The following IL20RB variants were observed in gnomAD, a reference collection of about 807,000 sequenced individuals.
The protein encoded by IL20RB is interleukin-20 receptor subunit beta.
IL20RB carries 21 observed loss-of-function variants against 33.3 expected under a neutral mutation model. The ratio of observed to expected loss-of-function variants is 0.63; its 90% CI spans 0.45 to 0.91. The LOEUF is 0.91. Ranked by LOEUF, IL20RB falls within the 40% of genes least tolerant of loss-of-function variation. The pLI, the probability that IL20RB is intolerant of heterozygous loss-of-function variation, is 0.00. For missense variants in IL20RB, 345 were observed against 384.8 expected (o/e 0.90, Z 0.86); for synonymous variants, 147 against 146.8 (o/e 1.00, Z -0.01).
rs546987975 is a variant in IL20RB, at chr3:136,988,518, C to T, written c.407-923C>T. On this transcript the variant is annotated intron_variant, in intron 3 of 6. Coordinates refer to ENST00000329582, the MANE Select transcript of IL20RB (RefSeq NM_144717.4). ...ACTTTGGGAGCTCGAGGTGGGCGAA[C>T]TGCTTGAGTCTAGGAATTAGAGACC... 2.6e-5 allele frequency among the ~76,000 whole-genome samples: 4 copies of T among 152,186 alleles called. No homozygotes were observed. In the East Asian group the frequency reaches 5.8e-4, roughly 22 times the overall value.
intron 6 of IL20RB, among the ~76,000 whole-genome samples, chr3:137,002,583 G>T (rs186211830): frequency 1.6e-3 from 242 of 152,040 alleles, no homozygotes; most frequent in African/African-American, 5.5e-3. Flanking sequence ...CTTTTGAGAA[G>T]TGTCTGTTCA....
intron 3 of IL20RB, 73 bp from the exon 4 acceptor site, chr3:136,989,368 C>G (rs769625765): frequency 3.8e-6 from 6 of 1,571,710 alleles, no homozygotes; most frequent in Non-Finnish European, 5.2e-6. Context: ...CCATACATGA[C>G]CCGGTCATTG....
chr3:136,971,854 T>C (rs967673890), intron 1 of IL20RB, among the ~76,000 whole-genome samples: 11 of 152,224 alleles, frequency 7.2e-5, no homozygotes, highest in Non-Finnish European at 1.3e-4. Context: ...AGATACCCAG[T>C]AGTGGGGTGG....
At chr3:136,982,382 CA>C in intron 3 of IL20RB, 32 bp downstream of exon 3, 2 of 1,454,842 alleles carry the variant, frequency 1.4e-6, no homozygotes, top group South Asian at 1.3e-5. Context: ...ACTCCCACCC[CA>C]ACCAGCCCCT....
intron 3 of IL20RB, among the ~76,000 whole-genome samples, chr3:136,987,552 G>A (rs112876607): frequency 1.3e-5 from 2 of 152,240 alleles, no homozygotes; most frequent in African/African-American, 4.8e-5. Context: ...CAGGGCTGCC[G>A]GTGGAGCTGC....
At position 136,984,423 on chromosome 3, in the gene IL20RB, T is replaced by C. The variant is rs369283775; in HGVS notation, c.406+2073T>C. Among the ~76,000 whole-genome samples, 11 of 151,920 alleles carry C rather than the reference T, an allele frequency of 7.2e-5. No individual in the cohort carries two copies. In the South Asian group the frequency reaches 1.9e-3, roughly 26 times the overall value. The stretch of plus-strand genomic sequence containing the variant: ...CATGGAGGTAGGAAGGAGCAAGGAA[T>C]GGGTGGGAATGTAACCAGTTTAGAG... On this transcript the variant is annotated intron_variant, in intron 3 of 6. Transcript: ENST00000329582.
chr3:136,980,919 G>A (rs1304146866), intron 2 of IL20RB, among the ~76,000 whole-genome samples: 2 of 152,170 alleles, frequency 1.3e-5, no homozygotes, highest in African/African-American at 4.8e-5. Flanking sequence ...TAAGGGTGGA[G>A]GAGTCCTCAC....
chr3:137,002,808 C>T (rs1942273624), intron 6 of IL20RB, among the ~76,000 whole-genome samples: 1 of 152,068 alleles, frequency 6.6e-6, no homozygotes. Flanking sequence ...CTTTTGTTGC[C>T]ATTGCTTTTG....
chr3:137,004,443 G>A (rs1942310904), intron 6 of IL20RB, among the ~76,000 whole-genome samples: 1 of 152,078 alleles, frequency 6.6e-6, no homozygotes. Context: ...CAATTTTAGA[G>A]CCTGTTATTG....
chr3:137,001,944 G>T (rs1942251710), intron 6 of IL20RB, among the ~76,000 whole-genome samples: 1 of 151,966 alleles, frequency 6.6e-6, no homozygotes, highest in South Asian at 2.1e-4. Context: ...CTCCTGACAG[G>T]CCCCGGTGTG....
At chr3:136,975,161 G>T (rs1429950831) in intron 1 of IL20RB, among the ~76,000 whole-genome samples, 2 of 151,986 alleles carry the variant, frequency 1.3e-5, no homozygotes, top group Admixed American at 6.6e-5. Flanking sequence ...TTCCTTTGGA[G>T]ATGTCATATG....
At position 136,989,486 on chromosome 3, in the gene IL20RB, A is replaced by G. The variant is rs1255189242; in HGVS notation, c.452A>G (p.His151Arg). ...PGMEITKDGFHLVIELEDLGP... is the reference protein window; with the variant it reads ...PGMEITKDGFRLVIELEDLGP... ...ATGGAGATCACCAAAGATGGCTTCCACCTGGTTATTGAGCTGGAGGACCTG... is the reference window on the plus strand; with the variant it reads ...ATGGAGATCACCAAAGATGGCTTCCGCCTGGTTATTGAGCTGGAGGACCTG... Residue 151 changes from histidine (H) to arginine (R), a missense_variant, in exon 4 of 7, where the codon CAC becomes CGC. Transcript: ENST00000329582. 1.2e-6 allele frequency: 2 copies of G among 1,613,808 alleles called. No individual in the cohort carries two copies. The highest frequency in any genetic ancestry group is 2.7e-5 in the African/African-American group (2 of 74,860).
chr3:136,981,577 A>G (rs1258791017), intron 2 of IL20RB, among the ~76,000 whole-genome samples: 1 of 152,216 alleles, frequency 6.6e-6, no homozygotes, highest in Admixed American at 6.5e-5. Flanking sequence ...TCTGAAGGAC[A>G]AGAGGAGCCA....
intron 3 of IL20RB, chr3:136,986,580 C>A: frequency 2.3e-6 from 1 of 427,718 alleles, no homozygotes; most frequent in South Asian, 1.7e-5. Context: ...TTGGCCCTGG[C>A]TTCCCAAGTC....
At chr3:136,972,205 GT>G (rs1251381607) in intron 1 of IL20RB, among the ~76,000 whole-genome samples, 2 of 152,076 alleles carry the variant, frequency 1.3e-5, no homozygotes, top group Admixed American at 1.3e-4. Context: ...TGTTATTTGA[GT>G]TTTTTGTATA....
intron 6 of IL20RB, among the ~76,000 whole-genome samples, chr3:136,997,192 G>C (rs989617668): frequency 4.0e-5 from 6 of 151,768 alleles, no homozygotes; most frequent in Non-Finnish European, 7.4e-5. Context: ...TCCGCCTTCT[G>C]AGTTCAAGCA....
chr3:136,970,074 G>A (rs924831155), intron 1 of IL20RB, among the ~76,000 whole-genome samples: 3 of 151,396 alleles, frequency 2.0e-5, no homozygotes, highest in African/African-American at 4.9e-5. Flanking sequence ...TTTGTTTAAA[G>A]CGTTTTTTTT....
intron 6 of IL20RB, among the ~76,000 whole-genome samples, chr3:137,003,173 C>G (rs539475141): frequency 4.6e-5 from 7 of 152,264 alleles, no homozygotes; most frequent in African/African-American, 1.7e-4. Context: ...GTTACTGTAG[C>G]CTTGTAGTAC....
Position 136,958,027 on chromosome 3 carries a change from T to C in IL20RB, c.-87T>C, listed in dbSNP as rs1025361459. 60 of 836,418 alleles carry C rather than the reference T, an allele frequency of 7.2e-5. No individual in the cohort carries two copies. The highest frequency in any genetic ancestry group is 1.1e-4 in the Non-Finnish European group (56 of 494,332). The allele number at this position is 836,418 out of a possible 1,614,324, so 51.8% of individuals were successfully genotyped here. ...TGCGACTCAGACCTCAGCTCCAACA[T>C]ATGCATTCTGAAGAAAGATGGCTGA... On this transcript the variant is annotated 5_prime_UTR_variant, in exon 1 of 7. Transcript: ENST00000329582.
Sources: allele counts gnomAD v4.1 joint callset (sites outside exome capture counted in the v4.1 genomes callset), GRCh38; gene constraint gnomAD v4.1.1; transcripts MANE v1.5; gene names NCBI Gene and HGNC (gene_info 2026-07-23, HGNC 2026-07-21).